CDC14B: variants seen among roughly 807,000 people sequenced by gnomAD.
The protein encoded by CDC14B is cell division cycle 14B.
In CDC14B, 22 loss-of-function variants were observed where a neutral mutation model predicts 64.2. The ratio of observed to expected loss-of-function variants is 0.34; its 90% CI spans 0.24 to 0.49. The LOEUF is 0.49. Among genes scored for constraint, CDC14B ranks in the 20% least tolerant of loss-of-function variants. CDC14B has a pLI of 0.99. For synonymous variants in CDC14B, 191 were observed against 215.8 expected, an observed-to-expected ratio of 0.89 and a Z score of 1.01; for missense variants, 498 against 629.9, an observed-to-expected ratio of 0.79 and a Z score of 2.24.
At chr9:96,584,129 G>A (rs1182017690) in intron 1 of CDC14B, among the ~76,000 whole-genome samples, 1 of 152,198 alleles carries the variant, frequency 6.6e-6, no homozygotes, top group Non-Finnish European at 1.5e-5. Context: ...AAATGCAAGA[G>A]CTAAGCTTTC....
intron 1 of CDC14B, chr9:96,567,193 G>A: frequency 3.4e-6 from 1 of 290,244 alleles, no homozygotes; most frequent in Non-Finnish European, 6.5e-6. Flanking sequence ...AGAGGCCAGC[G>A]GGCCTGCAGA....
intron 12 of CDC14B, among the ~76,000 whole-genome samples, chr9:96,520,206 A>G (rs1031285440): frequency 5.9e-5 from 9 of 152,150 alleles, no homozygotes; most frequent in African/African-American, 2.2e-4. Context: ...GCTTAGAAAA[A>G]CTAGCATTTC....
At chr9:96,593,512 A>G (rs960537767) in intron 1 of CDC14B, among the ~76,000 whole-genome samples, 7 of 151,624 alleles carry the variant, frequency 4.6e-5, no homozygotes, top group Non-Finnish European at 1.0e-4. Context: ...AAAGCAAGCC[A>G]TACCATGTTT....
chr9:96,518,524 G>T (rs1042236655), intron 12 of CDC14B, among the ~76,000 whole-genome samples: 5 of 151,910 alleles, frequency 3.3e-5, no homozygotes, highest in Admixed American at 6.6e-5. Flanking sequence ...CGGGGAAAAA[G>T]AAATTACATG....
chr9:96,585,575 C>A (rs560274138), intron 1 of CDC14B, among the ~76,000 whole-genome samples: 2 of 152,306 alleles, frequency 1.3e-5, no homozygotes, highest in Non-Finnish European at 2.9e-5. Flanking sequence ...TGAAATACCA[C>A]TTCACACCCA....
intron 1 of CDC14B, among the ~76,000 whole-genome samples, chr9:96,610,246 G>A (rs1209717392): frequency 6.6e-6 from 1 of 152,116 alleles, no homozygotes; most frequent in African/African-American, 2.4e-5. Flanking sequence ...CACCCAGGGT[G>A]GAGTGAAGTG....
At chr9:96,552,285 G>A (rs953452946) in intron 4 of CDC14B, among the ~76,000 whole-genome samples, 5 of 152,210 alleles carry the variant, frequency 3.3e-5, no homozygotes, top group African/African-American at 1.2e-4. Flanking sequence ...CACAAAGGCA[G>A]AACACAGACT....
intron 1 of CDC14B, among the ~76,000 whole-genome samples, chr9:96,614,845 T>C (rs1344375841): frequency 6.6e-6 from 1 of 152,084 alleles, no homozygotes; most frequent in African/African-American, 2.4e-5. Flanking sequence ...ACCGCCTGTT[T>C]TGTTTTGTTT....
intron 1 of CDC14B, among the ~76,000 whole-genome samples, chr9:96,585,213 CT>C (rs531434808): frequency 3.8e-3 from 538 of 143,348 alleles, no homozygotes; most frequent in Non-Finnish European, 4.8e-3. Flanking sequence ...GATTAAGGCA[CT>C]TTTTTTTTTT....
rs1299025328 is a variant in CDC14B at position 96,538,907 on chromosome 9, G to T, written c.627+171C>A. ...ACGCCAAAAGACTAAATTATGTGAG[G>T]TGATGAATATGTTAATTAGCTTGAT... On this transcript the variant is annotated intron_variant, in intron 7 of 13. Transcript: ENST00000375241. 3 of 570,198 alleles carry T rather than the reference G, an allele frequency of 5.3e-6. No homozygotes were observed. In the Admixed American group the frequency reaches 9.5e-5, roughly 18 times the overall value. 35.3% of individuals were successfully genotyped at this position (570,198 alleles called of 1,614,324 possible). A position where few individuals can be genotyped will look rare whatever the true frequency, so the allele number is the denominator to read the frequency against.
chr9:96,531,241 AG>A (rs2131675880), intron 9 of CDC14B, among the ~76,000 whole-genome samples: 1 of 152,280 alleles, frequency 6.6e-6, no homozygotes, highest in Non-Finnish European at 1.5e-5. Context: ...AGTGTTTGGT[AG>A]AATTTACTGG....
intron 12 of CDC14B, among the ~76,000 whole-genome samples, chr9:96,521,805 G>A (rs1403267478): frequency 1.3e-5 from 2 of 152,186 alleles, no homozygotes; most frequent in African/African-American, 4.8e-5. Context: ...GTAACTAGAA[G>A]GAAGAAATCC....
intron 3 of CDC14B, among the ~76,000 whole-genome samples, chr9:96,563,889 G>T (rs1380308314): frequency 2.0e-5 from 3 of 151,972 alleles, no homozygotes; most frequent in Admixed American, 2.0e-4. Context: ...AAATGCACAA[G>T]GCCATAAATA....
downstream of CDC14B, chr9:96,496,283 A>G (rs551539383): frequency 2.0e-5 from 10 of 511,848 alleles, no homozygotes; most frequent in East Asian, 5.6e-4. Flanking sequence ...CCTTCCCCGC[A>G]GGTCTAGTCC....
At chr9:96,563,537 C>A (rs760941302) in intron 3 of CDC14B, among the ~76,000 whole-genome samples, 6 of 151,472 alleles carry the variant, frequency 4.0e-5, no homozygotes, top group Non-Finnish European at 8.8e-5. Flanking sequence ...GTAATCCCAG[C>A]TACTTGGGAG....
chr9:96,539,946 G>A (rs1839807172), intron 6 of CDC14B, among the ~76,000 whole-genome samples: 1 of 152,054 alleles, frequency 6.6e-6, no homozygotes, highest in Non-Finnish European at 1.5e-5. Context: ...TCAAAGAGGG[G>A]GCTTTTGTAC....
In CDC14B at chr9:96,590,864, G is replaced by A. The variant is rs888558767; in HGVS notation, c.161-25381C>T. 6.0e-4 allele frequency among the ~76,000 whole-genome samples: 92 copies of A among 152,164 alleles called. 1 individual carries two copies. Among genetic ancestry groups the A allele is most frequent in the African/African-American group, 2.2e-3 (91 of 41,524 alleles). On this transcript the variant is annotated intron_variant, in intron 1 of 13. Coordinates refer to ENST00000375241, the MANE Select transcript of CDC14B (RefSeq NM_033331.4). The stretch of plus-strand genomic sequence containing the variant: ...CATACAGGTGCATGCCACAGCTCTG[G>A]CTGTGGAGCAGTTTTCATACGCTCA...
At chr9:96,540,045 T>C (rs1839824464) in intron 6 of CDC14B, among the ~76,000 whole-genome samples, 1 of 152,234 alleles carries the variant, frequency 6.6e-6, no homozygotes, top group South Asian at 2.1e-4. Flanking sequence ...TTTATATAGT[T>C]ATTTAAACAC....
chr9:96,492,494 A>G (rs1337678196), exon 14 of CDC14B: 3 of 152,634 alleles, frequency 2.0e-5, no homozygotes, highest in African/African-American at 7.2e-5. Context: ...CTGTAATCCC[A>G]GCACTTTGGG....
Sources: gnomAD v4.1 joint callset for allele counts (sites outside exome capture counted in the v4.1 genomes callset) on GRCh38, gnomAD v4.1.1 for gene constraint, MANE v1.5 for transcripts, NCBI Gene and HGNC (gene_info 2026-07-23, HGNC 2026-07-21) for gene names.